PTPRD: variants seen among roughly 807,000 people sequenced by gnomAD.
PTPRD encodes the protein receptor-type tyrosine-protein phosphatase delta.
PTPRD carries 34 observed loss-of-function variants against 214.5 expected under a neutral mutation model. The ratio of observed to expected loss-of-function variants is 0.16; its 90% CI spans 0.12 to 0.21. PTPRD has a LOEUF of 0.21. Among genes scored for constraint, PTPRD ranks in the 10% least tolerant of loss-of-function variants. The pLI, the probability that PTPRD is intolerant of heterozygous loss-of-function variation, is 1.00. For missense variants in PTPRD, 2,545 were observed against 2,398.7 expected (o/e 1.06, Z -1.27); for synonymous variants, 1,128 against 845.7 (o/e 1.33, Z -5.79).
chr9:10,474,160 T>C (rs1588993035), intron 2 of PTPRD, among the ~76,000 whole-genome samples: 1 of 152,076 alleles, frequency 6.6e-6, no homozygotes, highest in East Asian at 1.9e-4. Flanking sequence ...GTAAATGGGC[T>C]AAATGCCCAA....
intron 3 of PTPRD, among the ~76,000 whole-genome samples, chr9:10,134,464 A>C (rs2098927384): frequency 6.6e-6 from 1 of 152,196 alleles, no homozygotes. Flanking sequence ...GCAGGCAGCT[A>C]TGTAAATGCC....
At chr9:10,409,764 GGT>G (rs2098415261) in intron 2 of PTPRD, among the ~76,000 whole-genome samples, 1 of 151,644 alleles carries the variant, frequency 6.6e-6, no homozygotes, top group Middle Eastern at 3.2e-3. Flanking sequence ...TTGCTTTCAA[GGT>G]GTGTTTCTAT....
intron 11 of PTPRD, among the ~76,000 whole-genome samples, chr9:9,016,937 C>G (rs948584077): frequency 2.0e-5 from 3 of 152,058 alleles, no homozygotes; most frequent in Non-Finnish European, 4.4e-5. Context: ...TGGGATTTTA[C>G]TCAGTATTTT....
chr9:8,763,278 G>A (rs192550856), intron 11 of PTPRD, among the ~76,000 whole-genome samples: 2 of 152,224 alleles, frequency 1.3e-5, no homozygotes, highest in East Asian at 1.9e-4. Flanking sequence ...TTGGGAGGCC[G>A]AGTTGGATGG....
intron 5 of PTPRD, among the ~76,000 whole-genome samples, chr9:9,840,407 T>C (rs10978024): frequency 0.15 from 22,062 of 152,036 alleles, 3,201 homozygotes; most frequent in East Asian, 0.75. Flanking sequence ...TGTTGAAACA[T>C]TATCCTTCAG....
chr9:9,363,279 C>A (rs1320397273), intron 9 of PTPRD, among the ~76,000 whole-genome samples: 2 of 150,960 alleles, frequency 1.3e-5, no homozygotes, highest in African/African-American at 4.9e-5. Flanking sequence ...CTCTCAGAAT[C>A]ATAACAAGTC....
At chr9:9,536,798 A>C (rs2076604517) in intron 8 of PTPRD, among the ~76,000 whole-genome samples, 1 of 152,026 alleles carries the variant, frequency 6.6e-6, no homozygotes, top group African/African-American at 2.4e-5. Context: ...CTTCTCATTT[A>C]ACTGGGAATC....
chr9:8,588,203 G>A (rs980062081), intron 14 of PTPRD, among the ~76,000 whole-genome samples: 2 of 152,180 alleles, frequency 1.3e-5, no homozygotes, highest in Non-Finnish European at 1.5e-5. Flanking sequence ...CCTTTGGAGG[G>A]TTCTTGTTAC....
chr9:9,127,300 TA>T (rs1288437849), intron 10 of PTPRD, among the ~76,000 whole-genome samples: 2 of 152,246 alleles, frequency 1.3e-5, no homozygotes, highest in African/African-American at 4.8e-5. Context: ...ATCAATGTTA[TA>T]ATGAAACAAC....
chr9:10,396,801 G>C (rs1485360045), intron 2 of PTPRD, among the ~76,000 whole-genome samples: 3 of 151,998 alleles, frequency 2.0e-5, no homozygotes. Flanking sequence ...CACTGTAACT[G>C]TTCATTACTT....
intron 11 of PTPRD, among the ~76,000 whole-genome samples, chr9:9,000,097 A>G (rs1024569889): frequency 2.0e-5 from 3 of 151,962 alleles, no homozygotes; most frequent in Non-Finnish European, 4.4e-5. Flanking sequence ...CATCTGTAAT[A>G]ATGGTTTTGC....
chr9:9,707,230 T>C (rs79315832), intron 7 of PTPRD, among the ~76,000 whole-genome samples: 1 of 152,160 alleles, frequency 6.6e-6, no homozygotes, highest in East Asian at 1.9e-4. Context: ...AAATTATAAT[T>C]ATGGGTATTG....
chr9:8,759,857 C>G (rs1209202578), intron 11 of PTPRD, among the ~76,000 whole-genome samples: 1 of 152,116 alleles, frequency 6.6e-6, no homozygotes, highest in Non-Finnish European at 1.5e-5. Flanking sequence ...TTCCCTTGTG[C>G]TGAAACATTA....
chr9:8,455,986 A>G (rs905005833), intron 33 of PTPRD, among the ~76,000 whole-genome samples: 1 of 152,176 alleles, frequency 6.6e-6, no homozygotes, highest in African/African-American at 2.4e-5. Context: ...AGCTTTCACA[A>G]CTGGTAAATT....
intron 2 of PTPRD, among the ~76,000 whole-genome samples, chr9:10,391,503 G>C (rs766787204): frequency 6.6e-6 from 1 of 151,762 alleles, no homozygotes; most frequent in Non-Finnish European, 1.5e-5. Context: ...GTTCCTGTCT[G>C]TTAGAAGCTG....
intron 8 of PTPRD, among the ~76,000 whole-genome samples, chr9:9,526,812 T>C (rs996305884): frequency 2.6e-5 from 4 of 152,188 alleles, no homozygotes; most frequent in African/African-American, 7.2e-5. Context: ...TTCTGATTTC[T>C]GGTCACCTAA....
At chr9:9,854,078 A>G (rs2061070242) in intron 5 of PTPRD, among the ~76,000 whole-genome samples, 1 of 152,192 alleles carries the variant, frequency 6.6e-6, no homozygotes, top group East Asian at 1.9e-4. Flanking sequence ...ACCATGCAAC[A>G]GAACATCACC....
chr9:9,826,443 C>G (rs1011756495), intron 5 of PTPRD, among the ~76,000 whole-genome samples: 1 of 151,794 alleles, frequency 6.6e-6, no homozygotes, highest in Non-Finnish European at 1.5e-5. Context: ...ACTTTACTGG[C>G]TAGATTTTAT....
chr9:8,505,010 T>C (rs1363510735), intron 22 of PTPRD, among the ~76,000 whole-genome samples: 4 of 152,188 alleles, frequency 2.6e-5, no homozygotes, highest in Non-Finnish European at 2.9e-5. Context: ...TGAAACCACA[T>C]TACTACCCTA....
Sources: allele counts gnomAD v4.1 joint callset (sites outside exome capture counted in the v4.1 genomes callset), GRCh38; gene constraint gnomAD v4.1.1; transcripts MANE v1.5; gene names NCBI Gene and HGNC (gene_info 2026-07-23, HGNC 2026-07-21).